RPS6KA5: variants seen among roughly 807,000 people sequenced by gnomAD.
RPS6KA5 encodes ribosomal protein S6 kinase A5.
RPS6KA5 carries 27 observed loss-of-function variants against 85.5 expected under a neutral mutation model. The observed-to-expected ratio is 0.32, with a 90% CI of 0.23 to 0.44. The LOEUF (loss-of-function observed/expected upper bound fraction) is 0.44. Among genes scored for constraint, RPS6KA5 ranks in the 20% least tolerant of loss-of-function variants. The probability of loss-of-function intolerance (pLI) is 1.00; values close to 1 mark genes in which losing one functional copy is unlikely to be tolerated. For missense variants in RPS6KA5, 811 were observed against 980.9 expected (o/e 0.83, Z 2.31); for synonymous variants, 334 against 348.2 (o/e 0.96, Z 0.46).
At chr14:91,040,591 A>G (rs2042569635) in intron 1 of RPS6KA5, among the ~76,000 whole-genome samples, 1 of 152,152 alleles carries the variant, frequency 6.6e-6, no homozygotes, top group Non-Finnish European at 1.5e-5. Flanking sequence ...ATGTAGGCTG[A>G]AAATAGGGCC....
At chr14:91,059,831 C>T (rs1240160208) in intron 1 of RPS6KA5, among the ~76,000 whole-genome samples, 1 of 152,274 alleles carries the variant, frequency 6.6e-6, no homozygotes, top group Non-Finnish European at 1.5e-5. Flanking sequence ...GAGGCGAAAC[C>T]TCCCGTTTAT....
chr14:90,976,033 G>A (rs937642165), intron 3 of RPS6KA5, among the ~76,000 whole-genome samples: 3 of 152,094 alleles, frequency 2.0e-5, no homozygotes, highest in African/African-American at 7.2e-5. Flanking sequence ...AAGGCCAAAA[G>A]TAATGGAGAG....
chr14:90,917,051 T>C (rs1316756808), intron 7 of RPS6KA5, among the ~76,000 whole-genome samples: 2 of 152,258 alleles, frequency 1.3e-5, no homozygotes, highest in Non-Finnish European at 1.5e-5. Flanking sequence ...CCACTTAATG[T>C]TGTCAGGCTA....
chr14:91,021,428 C>T (rs1467099168), intron 1 of RPS6KA5, among the ~76,000 whole-genome samples: 1 of 152,042 alleles, frequency 6.6e-6, no homozygotes, highest in Non-Finnish European at 1.5e-5. Context: ...ATTGCTTGAG[C>T]CCAGGAGTTC....
At chr14:90,976,051 C>T (rs1476319668) in intron 3 of RPS6KA5, among the ~76,000 whole-genome samples, 1 of 151,696 alleles carries the variant, frequency 6.6e-6, no homozygotes, top group Non-Finnish European at 1.5e-5. Flanking sequence ...GAGCCAATAA[C>T]GAAAAAGCAA....
intron 2 of RPS6KA5, among the ~76,000 whole-genome samples, chr14:91,000,830 T>C (rs565494102): frequency 1.1e-4 from 17 of 152,100 alleles, no homozygotes; most frequent in Non-Finnish European, 2.5e-4. Context: ...TAAAATATTG[T>C]GTCCTGTGTA....
At chr14:90,997,923 G>C (rs2040599186) in intron 2 of RPS6KA5, among the ~76,000 whole-genome samples, 1 of 145,956 alleles carries the variant, frequency 6.9e-6, no homozygotes, top group African/African-American at 2.5e-5. Flanking sequence ...TGAGGCAGGG[G>C]AATTACTTGA....
rs904478344 is a variant in RPS6KA5 at position 90,863,674 on chromosome 14, A to G, written c.*8400T>C. On this transcript the variant is annotated 3_prime_UTR_variant, in exon 17 of 17. Transcript: ENST00000614987. ...AATTTGATAATAAAGTAAAACTGTC[A>G]AAAACCTAGATATAAATCTAACCTC... 1.3e-5 allele frequency: 2 copies of G among 151,956 alleles called. No individual in the cohort carries two copies. The highest frequency in any genetic ancestry group is 2.9e-5 in the Non-Finnish European group (2 of 68,034). 9.4% of individuals were successfully genotyped at this position (151,956 alleles called of 1,614,324 possible).
intron 14 of RPS6KA5, among the ~76,000 whole-genome samples, chr14:90,876,417 T>G (rs1457439764): frequency 6.6e-6 from 1 of 152,246 alleles, no homozygotes; most frequent in Non-Finnish European, 1.5e-5. Flanking sequence ...TACAGTGAAT[T>G]ATCTACAGCC....
intron 1 of RPS6KA5, among the ~76,000 whole-genome samples, chr14:91,044,337 G>A (rs566360566): frequency 1.5e-5 from 1 of 65,042 alleles, no homozygotes; most frequent in East Asian, 1.2e-3. Flanking sequence ...GAGAAAGATA[G>A]ACAAAGAAAG....
At chr14:91,035,265 A>C (rs2042351734) in intron 1 of RPS6KA5, among the ~76,000 whole-genome samples, 1 of 152,132 alleles carries the variant, frequency 6.6e-6, no homozygotes, top group African/African-American at 2.4e-5. Context: ...ACGCTGTACT[A>C]GTACTAGGAG....
chr14:90,994,868 G>A (rs909951057), intron 2 of RPS6KA5, among the ~76,000 whole-genome samples: 1 of 151,788 alleles, frequency 6.6e-6, no homozygotes, highest in Non-Finnish European at 1.5e-5. Context: ...CACCGCACAC[G>A]GCTGGTGTTT....
chr14:91,011,542 G>A (rs949093732), intron 1 of RPS6KA5, among the ~76,000 whole-genome samples: 1 of 152,114 alleles, frequency 6.6e-6, no homozygotes, highest in African/African-American at 2.4e-5. Flanking sequence ...TGTGTTTCTA[G>A]CACTATCCAT....
intron 2 of RPS6KA5, among the ~76,000 whole-genome samples, chr14:90,991,966 AT>A (rs1412242535): frequency 6.6e-6 from 1 of 152,034 alleles, no homozygotes; most frequent in East Asian, 1.9e-4. Context: ...GATGAATAGC[AT>A]TTTTTTCTAG....
chr14:91,030,782 C>T (rs1304374172), intron 1 of RPS6KA5, among the ~76,000 whole-genome samples: 1 of 151,720 alleles, frequency 6.6e-6, no homozygotes, highest in East Asian at 1.9e-4. Context: ...AAAAATCAAG[C>T]TCTTAGAAAA....
chr14:90,920,435 A>T, intron 6 of RPS6KA5, 126 bp from the exon 7 acceptor site: 1 of 646,312 alleles, frequency 1.5e-6, no homozygotes, highest in Non-Finnish European at 2.7e-6. Flanking sequence ...ACCTCCTTCT[A>T]TGTAAGGAGT....
At chr14:91,045,383 C>G (rs2042827642) in intron 1 of RPS6KA5, among the ~76,000 whole-genome samples, 1 of 151,972 alleles carries the variant, frequency 6.6e-6, no homozygotes, top group South Asian at 2.1e-4. Context: ...TCCCACTCAG[C>G]CTCCTGAGTA....
chr14:90,931,261 A>G (rs1355749114), intron 5 of RPS6KA5, among the ~76,000 whole-genome samples: 1 of 152,250 alleles, frequency 6.6e-6, no homozygotes, highest in Non-Finnish European at 1.5e-5. Flanking sequence ...CTTGAGAACT[A>G]TGCTAAGTGA....
intron 14 of RPS6KA5, among the ~76,000 whole-genome samples, chr14:90,886,153 G>A (rs936331688): frequency 3.3e-5 from 5 of 152,020 alleles, no homozygotes; most frequent in African/African-American, 1.2e-4. Context: ...ATAAAGAAGA[G>A]CGTGCACACT....
Sources: allele counts gnomAD v4.1 joint callset (sites outside exome capture counted in the v4.1 genomes callset), GRCh38; gene constraint gnomAD v4.1.1; transcripts MANE v1.5; gene names NCBI Gene and HGNC (gene_info 2026-07-23, HGNC 2026-07-21).